ATL3: variants seen among roughly 807,000 people sequenced by gnomAD.
ATL3 encodes atlastin-3.
Under a neutral mutation model 69.5 loss-of-function variants are expected in ATL3, and 49 were observed. That is an observed-to-expected ratio of 0.71 (90% CI 0.56 to 0.89). The LOEUF is 0.89. ATL3 is among the 40% of genes least tolerant of loss of function. The pLI is 0.00. For missense variants in ATL3, 606 were observed against 645.7 expected, an observed-to-expected ratio of 0.94 and a Z score of 0.67; for synonymous variants, 214 against 224.1, an observed-to-expected ratio of 0.95 and a Z score of 0.40.
Position 63,643,389 on chromosome 11 carries a change from G to A in ATL3, c.818C>T (p.Ala273Val). 1.2e-6 allele frequency: 2 copies of A among 1,609,778 alleles called. No individual in the cohort carries two copies. Among genetic ancestry groups the A allele is most frequent in the South Asian group, 2.2e-5 (2 of 90,000 alleles). The part of the protein sequence containing the change: ...FLLPHPGLQV[A>V]TSPDFDGKLK... ...TTTCCCATCAAAGTCAGGGCTTGTG[G>A]CCACCTGGAGTCCTGGATGTGGTAA... is the stretch of plus-strand genomic sequence containing the variant. The change falls in exon 8 of 13, where the codon GCC (alanine) becomes GTC (valine). Residue 273 changes from alanine (A) to valine (V), a missense_variant. Ala to Val is a moderately conservative substitution (Grantham distance 64, BLOSUM62 0). Coordinates refer to ENST00000398868, the MANE Select transcript of ATL3 (RefSeq NM_015459.5).
chr11:63,638,969 A>C (rs1409625566), intron 8 of ATL3, among the ~76,000 whole-genome samples: 2 of 152,222 alleles, frequency 1.3e-5, no homozygotes, highest in African/African-American at 4.8e-5. Flanking sequence ...TTACACTTTA[A>C]GTTCCTTTTA....
intron 6 of ATL3, among the ~76,000 whole-genome samples, chr11:63,645,341 G>A (rs1328935052): frequency 6.6e-6 from 1 of 151,640 alleles, no homozygotes. Flanking sequence ...GTTGCAGTGA[G>A]CCAAGATCAT....
intron 3 of ATL3, among the ~76,000 whole-genome samples, chr11:63,656,683 G>A (rs1590740107): frequency 6.7e-6 from 1 of 148,882 alleles, no homozygotes; most frequent in African/African-American, 2.5e-5. Flanking sequence ...GAAGTGAGCC[G>A]AGATCGCACC....
intron 1 of ATL3, among the ~76,000 whole-genome samples, chr11:63,668,788 TC>T (rs1413953888): frequency 6.8e-4 from 92 of 135,272 alleles, no homozygotes; most frequent in African/African-American, 2.4e-3. Flanking sequence ...TTAGCTGTGT[TC>T]CTTTTTTTTT....
intron 11 of ATL3, chr11:63,632,203 G>A (rs1458400940): frequency 6.8e-6 from 4 of 591,786 alleles, no homozygotes; most frequent in East Asian, 3.0e-5. Context: ...ACCAATGGTG[G>A]CAGAGTCTAC....
chr11:63,669,633 G>A (rs1437074823), intron 1 of ATL3, among the ~76,000 whole-genome samples: 1 of 152,122 alleles, frequency 6.6e-6, no homozygotes, highest in Non-Finnish European at 1.5e-5. Flanking sequence ...CTACAATGAG[G>A]TAGTAAACTG....
chr11:63,638,441 G>A lies in ATL3; in HGVS notation c.851-2107C>T, dbSNP rs539765740. On this transcript the variant is annotated intron_variant, in intron 8 of 12. Coordinates refer to ENST00000398868, the MANE Select transcript of ATL3 (RefSeq NM_015459.5). Reference sequence around the variant, plus strand: ...TATTCTAGGCCTAGCGTGGTGGCCCGCACCTGTAATCCCAGCACCTTGGGA... The same window carrying A: ...TATTCTAGGCCTAGCGTGGTGGCCCACACCTGTAATCCCAGCACCTTGGGA... 4.6e-5 allele frequency among the ~76,000 whole-genome samples: 7 copies of A among 152,104 alleles called. No homozygotes were observed. The South Asian group carries it at 6.2e-4, about 14-fold the overall frequency.
rs1362032127 is a variant in ATL3, at chr11:63,626,438, A to C, written c.*2881T>G. The C allele has an allele frequency of 6.6e-6, 1 of 152,216 alleles. No individual in the cohort carries two copies. Among genetic ancestry groups the C allele is most frequent in the Non-Finnish European group, 1.5e-5 (1 of 68,032 alleles). 9.4% of individuals were successfully genotyped at this position (152,216 alleles called of 1,614,324 possible). Reference sequence around the variant, plus strand: ...CTGAAGGTGTTTTATCATACATAGTAGTTTGTCTCATTTTATCTATGAGCC... The same window carrying C: ...CTGAAGGTGTTTTATCATACATAGTCGTTTGTCTCATTTTATCTATGAGCC... On this transcript the variant is annotated 3_prime_UTR_variant, in exon 13 of 13. Transcript: ENST00000398868.
In ATL3 at chr11:63,671,272, G is replaced by C; in HGVS notation, c.46+18C>G. 1 of 1,577,312 alleles carries C rather than the reference G, an allele frequency of 6.3e-7. No individual in the cohort carries two copies. ...CGGGGGTGGCCGCGGGGCGATCCAGGGAAAATCGGCGCCTCACCTGCTCCT... is the reference window on the plus strand; with the variant it reads ...CGGGGGTGGCCGCGGGGCGATCCAGCGAAAATCGGCGCCTCACCTGCTCCT... On this transcript the variant is annotated intron_variant, in intron 1 of 12. Coordinates refer to ENST00000398868, the MANE Select transcript of ATL3 (RefSeq NM_015459.5).
chr11:63,658,828 T>G lies in ATL3; in HGVS notation c.338A>C (p.Asp113Ala). Residue 113 changes from aspartate (D) to alanine (A), a missense_variant, in exon 3 of 13, where the codon GAT becomes GCT. Coordinates refer to ENST00000398868, the MANE Select transcript of ATL3 (RefSeq NM_015459.5). ...LTGFSWRGGS[D>A]PETTGIQIWS... ...GATTTGAATCCCAGTGGTTTCTGGA[T>G]CAGATCCCCCTCTCCAGGAAAATCC... The G allele has an allele frequency of 6.2e-7, 1 of 1,612,980 alleles. No individual in the cohort carries two copies. Among genetic ancestry groups the G allele is most frequent in the Non-Finnish European group, 8.5e-7 (1 of 1,179,556 alleles).
At chr11:63,638,913 T>G (rs1016284731) in intron 8 of ATL3, among the ~76,000 whole-genome samples, 3 of 152,138 alleles carry the variant, frequency 2.0e-5, no homozygotes, top group African/African-American at 7.2e-5. Context: ...TTTGCAGAAA[T>G]AGTTTCAGAA....
chr11:63,633,193 CTTT>C, intron 10 of ATL3, 96 bp from the exon 11 acceptor site: 1 of 979,106 alleles, frequency 1.0e-6, no homozygotes, highest in Non-Finnish European at 1.6e-6. Context: ...CCCATTCTTC[CTTT>C]TTTATTAACC....
chr11:63,671,734 G>A (rs1442827359), upstream of ATL3: 6 of 1,231,670 alleles, frequency 4.9e-6, no homozygotes, highest in East Asian at 4.5e-4. Flanking sequence ...CTCATCTGGG[G>A]CGGGGCTTGG....
At chr11:63,649,523 TA>T (rs1309334615) in intron 5 of ATL3, among the ~76,000 whole-genome samples, 1 of 151,886 alleles carries the variant, frequency 6.6e-6, no homozygotes, top group Admixed American at 6.6e-5. Context: ...GGTAGAAATA[TA>T]ATTTTATTTT....
chr11:63,647,576 C>T (rs989487132), intron 5 of ATL3, among the ~76,000 whole-genome samples: 1 of 152,128 alleles, frequency 6.6e-6, no homozygotes, highest in Non-Finnish European at 1.5e-5. Context: ...TTTATACTAG[C>T]ATTTAAACTC....
intron 10 of ATL3, among the ~76,000 whole-genome samples, chr11:63,633,400 A>G (rs1237608934): frequency 2.0e-5 from 3 of 152,056 alleles, no homozygotes; most frequent in African/African-American, 2.4e-5. Flanking sequence ...TTTATTTTTT[A>G]ATTGTTTAAA....
chr11:63,638,781 C>T (rs184084315), intron 8 of ATL3, among the ~76,000 whole-genome samples: 480 of 151,682 alleles, frequency 3.2e-3, no homozygotes, highest in African/African-American at 0.011. Flanking sequence ...GAAACAGCAG[C>T]TCAGCATCAG....
chr11:63,670,827 T>C (rs72932267), intron 1 of ATL3, among the ~76,000 whole-genome samples: 2 of 152,156 alleles, frequency 1.3e-5, no homozygotes, highest in Non-Finnish European at 2.9e-5. Context: ...GCATTCACCT[T>C]CCCGCTCCAT....
intron 1 of ATL3, among the ~76,000 whole-genome samples, chr11:63,665,845 C>A (rs1330847479): frequency 2.0e-5 from 3 of 149,766 alleles, no homozygotes; most frequent in Non-Finnish European, 4.4e-5. Flanking sequence ...ACAATCAGGA[C>A]AACAGAGCAA....
Sources: gnomAD v4.1 joint callset for allele counts (sites outside exome capture counted in the v4.1 genomes callset) on GRCh38, gnomAD v4.1.1 for gene constraint, MANE v1.5 for transcripts, NCBI Gene and HGNC (gene_info 2026-07-23, HGNC 2026-07-21) for gene names.